Variants in SYTL5 observed in about 807,000 individuals in gnomAD.
SYTL5 encodes synaptotagmin-like protein 5.
SYTL5 carries 34 observed loss-of-function variants against 55.9 expected under a neutral mutation model. The ratio of observed to expected loss-of-function variants is 0.61; its 90% confidence interval spans 0.46 to 0.81. SYTL5 has a LOEUF of 0.81. Ranked by LOEUF, SYTL5 falls within the 30% of genes least tolerant of loss-of-function variation. The probability of loss-of-function intolerance (pLI) is 0.00; values close to 1 mark genes in which losing one functional copy is unlikely to be tolerated. For synonymous variants in SYTL5, 221 were observed against 188.7 expected, an observed-to-expected ratio of 1.17 and a Z score of -1.40; for missense variants, 637 against 546.7, an observed-to-expected ratio of 1.17 and a Z score of -1.65.
At chrX:38,037,604 T>G (rs951683212) in intron 2 of SYTL5, among the ~76,000 whole-genome samples, 1 of 111,657 alleles carries the variant, frequency 9.0e-6, no homozygotes, top group Admixed American at 9.6e-5. Flanking sequence ...AAGTCCAAGC[T>G]AAAGAAAGAA....
the SYTL5 span, chrX:37,906,004 G>C: frequency 9.7e-5 from 11 of 113,536 alleles, no homozygotes; most frequent in African/African-American, 3.5e-4. Flanking sequence ...CGCCAAGCGC[G>C]TGAGTCACTC....
At chrX:38,093,124 G>A (rs777013420) in intron 7 of SYTL5, among the ~76,000 whole-genome samples, 1 of 111,925 alleles carries the variant, frequency 8.9e-6, no homozygotes, top group East Asian at 2.8e-4. Context: ...CTTGTTTATG[G>A]CAATTAGAGG....
chrX:37,948,760 A>G, the SYTL5 span, among the ~76,000 whole-genome samples: 2 of 111,448 alleles, frequency 1.8e-5, no homozygotes, highest in Non-Finnish European at 3.8e-5. Context: ...ATTGTCACAA[A>G]TGACAGGATT....
At chrX:37,986,060 G>C in the SYTL5 span, among the ~76,000 whole-genome samples, 1 of 111,449 alleles carries the variant, frequency 9.0e-6, no homozygotes, top group Admixed American at 9.5e-5. Flanking sequence ...AAAACTTTTG[G>C]AAAAAACATA....
chrX:37,910,437 T>A, the SYTL5 span, among the ~76,000 whole-genome samples: 6 of 112,552 alleles, frequency 5.3e-5, no homozygotes, highest in Non-Finnish European at 7.5e-5. Flanking sequence ...CCCTGAAGGC[T>A]GGGACTTCAA....
chrX:37,905,243 G>A, the SYTL5 span, among the ~76,000 whole-genome samples: 2 of 110,884 alleles, frequency 1.8e-5, no homozygotes, highest in South Asian at 7.8e-4. Context: ...ACCCAGGGGG[G>A]ATATGAGAGA....
At chrX:37,966,054 C>T in the SYTL5 span, among the ~76,000 whole-genome samples, 1 of 112,072 alleles carries the variant, frequency 8.9e-6, no homozygotes, top group Admixed American at 9.4e-5. Context: ...CCCATTCAGC[C>T]ACTCAATGCC....
At chrX:37,950,572 C>T in the SYTL5 span, among the ~76,000 whole-genome samples, 1 of 110,903 alleles carries the variant, frequency 9.0e-6, no homozygotes, top group African/African-American at 3.3e-5. Flanking sequence ...TGTTTATAAC[C>T]GAGAAGTATG....
chrX:37,895,426 T>C, the SYTL5 span, among the ~76,000 whole-genome samples: 4 of 89,629 alleles, frequency 4.5e-5, no homozygotes, highest in African/African-American at 2.4e-4. Flanking sequence ...CCTTCCTTCC[T>C]TCCTTCCTTC....
intron 10 of SYTL5, among the ~76,000 whole-genome samples, chrX:38,103,789 G>A: frequency 9.0e-6 from 1 of 111,057 alleles, no homozygotes; most frequent in Middle Eastern, 4.6e-3. Context: ...AGCCCCTAAT[G>A]TCTCAGTAAT....
chrX:37,961,306 C>T, the SYTL5 span, among the ~76,000 whole-genome samples: 2 of 111,044 alleles, frequency 1.8e-5, no homozygotes, highest in African/African-American at 6.6e-5. Context: ...AGCATGGCAT[C>T]GACATCTGGC....
rs955515729 is a variant in SYTL5, at chrX:38,103,180, C to T, written c.1155+746C>T. ...AACTATGATTAAGCAATTTGTCCCA[C>T]ATTTATCTTTTTCCGACTTATATAC... On this transcript the variant is annotated intron_variant, in intron 10 of 16. Transcript: ENST00000297875. The T allele has an allele frequency of 1.1e-5, 7 of 653,855 alleles. No individual in the cohort carries two copies. The East Asian group carries it at 1.5e-4, about 14-fold the overall frequency. The allele number at this position is 653,855 out of a possible 1,213,427, so 53.9% of individuals were successfully genotyped here.
At chrX:38,093,459 A>G (rs924930237) in intron 7 of SYTL5, among the ~76,000 whole-genome samples, 2 of 111,758 alleles carry the variant, frequency 1.8e-5, no homozygotes, top group Admixed American at 9.5e-5. Flanking sequence ...AAAGGTCCAA[A>G]ATTTGTTATA....
chrX:37,971,001 C>T, the SYTL5 span, among the ~76,000 whole-genome samples: 1 of 112,086 alleles, frequency 8.9e-6, no homozygotes, highest in East Asian at 2.8e-4. Context: ...TTTAACGCCA[C>T]CTTATTTAGT....
At chrX:37,893,411 A>G in the SYTL5 span, among the ~76,000 whole-genome samples, 1 of 97,316 alleles carries the variant, frequency 1.0e-5, no homozygotes, top group Non-Finnish European at 2.0e-5. Context: ...TATACTATAT[A>G]TAGTATATAT....
the SYTL5 span, among the ~76,000 whole-genome samples, chrX:37,943,541 C>T: frequency 2.7e-5 from 3 of 111,328 alleles, no homozygotes; most frequent in Non-Finnish European, 5.7e-5. Context: ...CAACATAACT[C>T]CTGCTGAAGG....
chrX:38,034,015 T>C lies in SYTL5; in HGVS notation c.119+7T>C. 9.4e-7 allele frequency: 1 copy of C among 1,068,075 alleles called. No individual in the cohort carries two copies. The highest frequency in any genetic ancestry group is 1.3e-6 in the Non-Finnish European group (1 of 782,894). 88.0% of individuals were successfully genotyped at this position (1,068,075 alleles called of 1,213,427 possible). A position where few individuals can be genotyped will look rare whatever the true frequency, so the allele number is the denominator to read the frequency against. ...TGGAGGACAAGAGAATAAGGTAGTA[T>C]TCTTTTTATTTTTTCAGTCCTCCTT... On this transcript the variant is annotated splice_region_variant and intron_variant, in intron 2 of 16. Coordinates refer to ENST00000297875, the MANE Select transcript of SYTL5 (RefSeq NM_138780.3).
intron 2 of SYTL5, among the ~76,000 whole-genome samples, chrX:38,050,940 T>G (rs1004094268): frequency 8.9e-6 from 1 of 112,435 alleles, no homozygotes; most frequent in South Asian, 3.7e-4. Context: ...TTGGCCAGTG[T>G]GAGTCACATG....
At chrX:37,901,405 CT>C in the SYTL5 span, among the ~76,000 whole-genome samples, 1 of 112,179 alleles carries the variant, frequency 8.9e-6, no homozygotes, top group Non-Finnish European at 1.9e-5. Context: ...AAGCCTGCAG[CT>C]GGGCCTGAGG....
Sources: allele counts gnomAD v4.1 joint callset (sites outside exome capture counted in the v4.1 genomes callset), GRCh38; gene constraint gnomAD v4.1.1; transcripts MANE v1.5; gene names NCBI Gene and HGNC (gene_info 2026-07-23, HGNC 2026-07-21).